NCKAP5: variants seen among roughly 807,000 people sequenced by gnomAD.
The protein encoded by NCKAP5 is NCK associated protein 5, also known as nck-associated protein 5.
In NCKAP5, 92 loss-of-function variants were observed where a neutral mutation model predicts 167.0. The observed-to-expected ratio is 0.55, with a 90% CI of 0.47 to 0.66. The LOEUF (loss-of-function observed/expected upper bound fraction) is 0.66. Ranked by LOEUF, NCKAP5 falls within the 30% of genes least tolerant of loss-of-function variation. The pLI is 0.00. For synonymous variants in NCKAP5, 891 were observed against 877.4 expected (o/e 1.02, Z -0.27); for missense variants, 2,378 against 2,315.0 (o/e 1.03, Z -0.56).
intron 5 of NCKAP5, among the ~76,000 whole-genome samples, chr2:133,150,369 A>T (rs747235984): frequency 2.1e-4 from 32 of 152,214 alleles, no homozygotes; most frequent in Middle Eastern, 6.8e-3. Context: ...TCCAGTCCAC[A>T]ATTTCTGGCA....
intron 5 of NCKAP5, among the ~76,000 whole-genome samples, chr2:133,149,897 A>G (rs1046326329): frequency 2.6e-5 from 4 of 152,248 alleles, no homozygotes; most frequent in African/African-American, 9.6e-5. Flanking sequence ...CTTTCAAACC[A>G]ATGACTGAGC....
At chr2:132,676,218 A>C (rs754278795) in intron 19 of NCKAP5, among the ~76,000 whole-genome samples, 2 of 149,894 alleles carry the variant, frequency 1.3e-5, no homozygotes, top group East Asian at 3.9e-4. Context: ...CAAAATACCC[A>C]GTATGTATAC....
At chr2:133,547,975 T>A (rs1213249998) in intron 2 of NCKAP5, among the ~76,000 whole-genome samples, 2 of 146,392 alleles carry the variant, frequency 1.4e-5, no homozygotes, top group African/African-American at 5.1e-5. Flanking sequence ...AGTTGAAAAC[T>A]TTGAAAAAAA....
In NCKAP5 at chr2:133,039,721, C is replaced by A. The variant is rs552580329; in HGVS notation, c.342-45482G>T. Among the ~76,000 whole-genome samples, 4 of 152,266 alleles carry A rather than the reference C, an allele frequency of 2.6e-5. No individual in the cohort carries two copies. The East Asian group carries it at 7.7e-4, about 29-fold the overall frequency. ...TCTGGCCCATGTAGTGCTAAAGCCC[C>A]AGAACTTCTGGCTCTAGCCCCAGAA... On this transcript the variant is annotated intron_variant, in intron 6 of 19. Transcript: ENST00000409261.
intron 11 of NCKAP5, among the ~76,000 whole-genome samples, chr2:132,820,182 G>T (rs2105314066): frequency 6.6e-6 from 1 of 152,178 alleles, no homozygotes; most frequent in South Asian, 2.1e-4. Flanking sequence ...AAAGAGGACA[G>T]AGAAATGGGA....
the NCKAP5 span, among the ~76,000 whole-genome samples, chr2:133,636,493 T>C: frequency 1.3e-5 from 2 of 152,198 alleles, no homozygotes; most frequent in Non-Finnish European, 2.9e-5. Flanking sequence ...CCCCACAGAA[T>C]GTTCAGAGAG....
intron 4 of NCKAP5, among the ~76,000 whole-genome samples, chr2:133,286,497 A>C (rs1346124133): frequency 6.6e-6 from 1 of 152,202 alleles, no homozygotes; most frequent in Non-Finnish European, 1.5e-5. Flanking sequence ...CAAGAGAGTA[A>C]TTGGATATGC....
Position 132,782,819 on chromosome 2 carries a change from ATGGGAGCAGAAGGGGCCTTGT to A in NCKAP5, c.3971_3991del (p.Asn1324_Pro1330del). The A allele has an allele frequency of 6.2e-7, 1 of 1,613,832 alleles. No individual in the cohort carries two copies. The highest frequency in any genetic ancestry group is 8.5e-7 in the Non-Finnish European group (1 of 1,179,836). ...CCCAACACTGGGGAGACTCTCCAAC[ATGGGAGCAGAAGGGGCCTTGT>A]TGGGAGAGCTTTCCGTGGAAGAGTT... On this transcript the variant is annotated inframe_deletion, in exon 14 of 20. Transcript: ENST00000409261.
At chr2:132,975,485 T>C (rs1012637399) in intron 7 of NCKAP5, among the ~76,000 whole-genome samples, 1 of 152,160 alleles carries the variant, frequency 6.6e-6, no homozygotes, top group African/African-American at 2.4e-5. Flanking sequence ...GCCTGCTCCA[T>C]CTATCGGCAA....
intron 19 of NCKAP5, among the ~76,000 whole-genome samples, chr2:132,682,654 ATCC>A (rs905678907): frequency 6.6e-6 from 1 of 151,550 alleles, no homozygotes; most frequent in African/African-American, 2.4e-5. Flanking sequence ...GAACACAAAT[ATCC>A]TGTCAAATTC....
chr2:132,728,791 C>T (rs1368968897), intron 18 of NCKAP5, 25 bp downstream of exon 18: 8 of 1,612,254 alleles, frequency 5.0e-6, no homozygotes, highest in Non-Finnish European at 5.9e-6. Context: ...GTGGATTGCA[C>T]CCTTCACCTC....
At chr2:132,803,351 G>A (rs1471573273) in intron 11 of NCKAP5, among the ~76,000 whole-genome samples, 1 of 152,208 alleles carries the variant, frequency 6.6e-6, no homozygotes, top group Non-Finnish European at 1.5e-5. Flanking sequence ...ATGTTTAGCT[G>A]CCCTGAGTGC....
chr2:133,475,295 A>G (rs1679782236), intron 3 of NCKAP5, among the ~76,000 whole-genome samples: 1 of 152,188 alleles, frequency 6.6e-6, no homozygotes. Context: ...GTTCCTCCAC[A>G]CAGCATTCCC....
At chr2:133,302,480 A>G (rs1218900273) in intron 4 of NCKAP5, among the ~76,000 whole-genome samples, 1 of 38,174 alleles carries the variant, frequency 2.6e-5, no homozygotes, top group Non-Finnish European at 5.0e-5. Flanking sequence ...TATCCTTTGT[A>G]GGGACATGGA....
In NCKAP5 at chr2:133,419,164, T is replaced by A. The variant is rs553749379; in HGVS notation, c.69+98294A>T. Among the ~76,000 whole-genome samples the A allele has an allele frequency of 2.0e-5, 3 of 152,330 alleles. No homozygotes were observed. The South Asian group carries it at 6.2e-4, about 32-fold the overall frequency. On this transcript the variant is annotated intron_variant, in intron 3 of 19. Coordinates refer to ENST00000409261, the MANE Select transcript of NCKAP5 (RefSeq NM_207363.3). ...ACGGAACCCTCAACTGTGGCAGTCA[T>A]GCCACTCTAGAATGTTCAAGGTAAA...
intron 5 of NCKAP5, among the ~76,000 whole-genome samples, chr2:133,139,816 G>T (rs888662234): frequency 1.3e-5 from 2 of 152,076 alleles, no homozygotes; most frequent in Non-Finnish European, 2.9e-5. Flanking sequence ...AAGCTTCTCA[G>T]AAAACTAATT....
rs1268921268 is a variant in NCKAP5 at position 132,796,689 on chromosome 2, A to C, written c.848T>G (p.Leu283Trp). Residue 283 changes from leucine to tryptophan, a missense_variant, in exon 12 of 20, where the codon TTG becomes TGG. Physicochemically the swap from Leu to Trp is moderately conservative, Grantham distance 61. Transcript: ENST00000409261. Reference protein sequence around the residue: ...SRLLDLSSGDLLSEVERNRSL... With the variant: ...SRLLDLSSGDWLSEVERNRSL... ...TCGGTTTCTTTCCACCTCTGAAAGC[A>C]AATCTCCAGATGAAAGATCCAAGAG... The C allele has an allele frequency of 1.1e-5, 18 of 1,613,352 alleles. No homozygotes were observed. The highest frequency in any genetic ancestry group is 2.2e-5 in the East Asian group (1 of 44,848).
intron 8 of NCKAP5, among the ~76,000 whole-genome samples, chr2:132,882,162 T>C (rs539811544): frequency 6.6e-6 from 1 of 152,304 alleles, no homozygotes; most frequent in South Asian, 2.1e-4. Context: ...AAAAGAGATG[T>C]TCTAGGACCA....
chr2:133,230,819 A>G (rs2087112548), intron 4 of NCKAP5, among the ~76,000 whole-genome samples: 1 of 152,192 alleles, frequency 6.6e-6, no homozygotes, highest in Non-Finnish European at 1.5e-5. Context: ...TGAGATATTA[A>G]TAACTGGTAT....
Sources: gnomAD v4.1 joint callset for allele counts (sites outside exome capture counted in the v4.1 genomes callset) on GRCh38, gnomAD v4.1.1 for gene constraint, MANE v1.5 for transcripts, NCBI Gene and HGNC (gene_info 2026-07-23, HGNC 2026-07-21) for gene names.